The following CTXND1 variants were observed in gnomAD, a reference collection of about 807,000 sequenced individuals.
CTXND1 encodes the protein cortexin domain containing 1.
intron 1 of CTXND1, among the ~76,000 whole-genome samples, chr15:80,238,162 G>A (rs575599324): frequency 3.9e-5 from 6 of 152,106 alleles, no homozygotes; most frequent in South Asian, 4.2e-4. Context: ...ACTAGTACAC[G>A]GTAATGTCCT....
At chr15:80,226,081 A>T (rs1309835531) in intron 1 of CTXND1, among the ~76,000 whole-genome samples, 2 of 152,200 alleles carry the variant, frequency 1.3e-5, no homozygotes, top group Non-Finnish European at 2.9e-5. Context: ...CAGAAACAAA[A>T]AGAGGAGGTT....
intron 1 of CTXND1, among the ~76,000 whole-genome samples, chr15:80,209,220 C>G (rs1247077134): frequency 6.6e-6 from 1 of 152,212 alleles, no homozygotes; most frequent in Non-Finnish European, 1.5e-5. Flanking sequence ...ACCAGATTTG[C>G]TTTTCTGCCT....
chr15:80,230,727 G>T (rs1347068113), intron 1 of CTXND1, among the ~76,000 whole-genome samples: 1 of 152,086 alleles, frequency 6.6e-6, no homozygotes, highest in African/African-American at 2.4e-5. Context: ...CAAGTTCAAA[G>T]TATGGGTATT....
At chr15:80,210,837 C>T (rs1893196422) in intron 1 of CTXND1, among the ~76,000 whole-genome samples, 1 of 152,198 alleles carries the variant, frequency 6.6e-6, no homozygotes, top group South Asian at 2.1e-4. Context: ...GTTGGCTGCT[C>T]CCCAGGGCTC....
At chr15:80,231,105 A>ATT (rs749247496) in intron 1 of CTXND1, among the ~76,000 whole-genome samples, 3 of 146,298 alleles carry the variant, frequency 2.1e-5, no homozygotes, top group African/African-American at 7.5e-5. Flanking sequence ...GCATTTAGAG[A>ATT]TTTTTTTTTT....
At chr15:80,216,774 C>A (rs1482765855) in intron 1 of CTXND1, among the ~76,000 whole-genome samples, 2 of 151,984 alleles carry the variant, frequency 1.3e-5, no homozygotes, top group Non-Finnish European at 2.9e-5. Context: ...GCCACCATGC[C>A]CAGCTAATTT....
intron 1 of CTXND1, among the ~76,000 whole-genome samples, chr15:80,212,004 C>A (rs1180912094): frequency 6.6e-6 from 1 of 152,188 alleles, no homozygotes; most frequent in East Asian, 1.9e-4. Flanking sequence ...GTATAGAGAG[C>A]TGGAAGTGCC....
chr15:80,219,234 C>G (rs1468255090), intron 1 of CTXND1, among the ~76,000 whole-genome samples: 1 of 152,070 alleles, frequency 6.6e-6, no homozygotes, highest in African/African-American at 2.4e-5. Context: ...GCATAAGCCA[C>G]TGTGCCCAGC....
rs184467795 is a variant in CTXND1, at chr15:80,222,879, A to C, written c.-217-19139T>G. Among the ~76,000 whole-genome samples the C allele has an allele frequency of 3.7e-3, 566 of 152,258 alleles. 4 individuals carry two copies. Among genetic ancestry groups the C allele is most frequent in the African/African-American group, 0.012 (519 of 41,556 alleles). ...AATGTTTCTTAGATATATTTGTTAT[A>C]AATAAACAAATAAACACAAATACAT... On this transcript the variant is annotated intron_variant, in intron 1 of 2. Transcript: ENST00000560778.
rs79143374 is a variant in CTXND1, at chr15:80,217,004, G to C, written c.-217-13264C>G. Among the ~76,000 whole-genome samples, 3,893 of 152,214 alleles carry C rather than the reference G, an allele frequency of 0.026. 326 individuals are homozygous for C. The East Asian group carries it at 0.28, about 11-fold the overall frequency. ...TCTTCTTATATGGACCAGAACTCTT[G>C]AGTTCTAGTCACTGGTGTGTGCAGC... On this transcript the variant is annotated intron_variant, in intron 1 of 2. Coordinates refer to ENST00000560778, the MANE Select transcript of CTXND1 (RefSeq NM_001352888.2).
chr15:80,238,020 A>AAT (rs1356800144), intron 1 of CTXND1, among the ~76,000 whole-genome samples: 15 of 151,858 alleles, frequency 9.9e-5, no homozygotes, highest in African/African-American at 3.4e-4. Flanking sequence ...AAAAAAAAAA[A>AAT]AAAAAAAAAA....
intron 1 of CTXND1, among the ~76,000 whole-genome samples, chr15:80,207,316 G>A (rs1368459822): frequency 6.6e-6 from 1 of 150,480 alleles, no homozygotes; most frequent in East Asian, 1.9e-4. Context: ...TTATGCTGTA[G>A]TCTGAATATT....
intron 1 of CTXND1, among the ~76,000 whole-genome samples, chr15:80,218,175 C>T (rs982864304): frequency 6.6e-6 from 1 of 151,838 alleles, no homozygotes; most frequent in African/African-American, 2.4e-5. Flanking sequence ...TTGTTCTGTC[C>T]TCCAGGCTGG....
In CTXND1 at chr15:80,219,098, AT is replaced by A. The variant is rs201058816; in HGVS notation, c.-217-15359del. Among the ~76,000 whole-genome samples the A allele has an allele frequency of 6.9e-3, 956 of 138,102 alleles. 2 individuals carry two copies. The highest frequency in any genetic ancestry group is 0.018 in the Middle Eastern group (5 of 282). The allele number at this position is 138,102 out of a possible 152,430, so 90.6% of individuals were successfully genotyped here. A position where few individuals can be genotyped will look rare whatever the true frequency, so the allele number is the denominator to read the frequency against. On this transcript the variant is annotated intron_variant, in intron 1 of 2. Transcript: ENST00000560778. ...AGGTGCGCACTACCACTCCCAGCTA[AT>A]TTTTTTTTTTTTTTGTATTTTTTTT...
chr15:80,246,748 CTCATAGAGTTTGTTTA>C (rs930419159), intron 1 of CTXND1, among the ~76,000 whole-genome samples: 1 of 152,200 alleles, frequency 6.6e-6, no homozygotes, highest in African/African-American at 2.4e-5. Context: ...CTAATAATCT[CTCATAGAGTTTGTTTA>C]AAAATGTCTG....
chr15:80,233,605 A>T (rs74027283), intron 1 of CTXND1, among the ~76,000 whole-genome samples: 7,206 of 152,074 alleles, frequency 0.047, 481 homozygotes, highest in African/African-American at 0.15. Context: ...TCCTCCCTGA[A>T]CAAAGTGAGC....
At position 80,199,613 on chromosome 15, in the gene CTXND1, A is replaced by T. The variant is rs1194872016; in HGVS notation, c.*2157T>A. The T allele has an allele frequency of 1.3e-5, 2 of 152,318 alleles. No homozygotes were observed. Among genetic ancestry groups the T allele is most frequent in the African/African-American group, 2.4e-5 (1 of 41,420 alleles). The allele number at this position is 152,318 out of a possible 1,614,324, so 9.4% of individuals were successfully genotyped here. A position where few individuals can be genotyped will look rare whatever the true frequency, so the allele number is the denominator to read the frequency against. On this transcript the variant is annotated 3_prime_UTR_variant, in exon 3 of 3. Transcript: ENST00000560778. ...GCTTTTGCTTTAGATCCTCCCCATC[A>T]TACAGGGCCTTCCCTGCATCTTGGT... is the stretch of plus-strand genomic sequence containing the variant.
chr15:80,232,204 CTG>C (rs1472335903), intron 1 of CTXND1, among the ~76,000 whole-genome samples: 2 of 152,274 alleles, frequency 1.3e-5, no homozygotes, highest in Non-Finnish European at 2.9e-5. Flanking sequence ...TGAGGATGTG[CTG>C]TGTGGGAAAT....
At chr15:80,220,785 A>ATT (rs896260807) in intron 1 of CTXND1, among the ~76,000 whole-genome samples, 1 of 150,604 alleles carries the variant, frequency 6.6e-6, no homozygotes, top group African/African-American at 2.4e-5. Context: ...TATAGTATTG[A>ATT]TTTTTTTTTA....
Sources: allele counts gnomAD v4.1 joint callset (sites outside exome capture counted in the v4.1 genomes callset), GRCh38; gene constraint gnomAD v4.1.1; transcripts MANE v1.5; gene names NCBI Gene and HGNC (gene_info 2026-07-23, HGNC 2026-07-21).